The following USP8 variants were observed in gnomAD, a reference collection of about 807,000 sequenced individuals.
USP8 encodes ubiquitin specific peptidase 8.
In USP8, 27 loss-of-function variants were observed where a neutral mutation model predicts 130.0. That is an observed-to-expected ratio of 0.21 (90% confidence interval 0.15 to 0.29). USP8 has a LOEUF of 0.29. Among genes scored for constraint, USP8 ranks in the 10% least tolerant of loss-of-function variants. The pLI, the probability that USP8 is intolerant of heterozygous loss-of-function variation, is 1.00. For synonymous variants in USP8, 392 were observed against 444.1 expected (o/e 0.88, Z 1.48); for missense variants, 1,029 against 1,312.2 (o/e 0.78, Z 3.33).
chr15:50,495,486 A>G (rs3784300), intron 16 of USP8, among the ~76,000 whole-genome samples: 32,605 of 104,198 alleles, frequency 0.31, 4,169 homozygotes, highest in East Asian at 0.55. Context: ...TAGAGATTGG[A>G]GGGGGGGGTC....
chr15:50,428,911 G>C (rs77350454), intron 1 of USP8, among the ~76,000 whole-genome samples: 13,707 of 152,188 alleles, frequency 0.09, 1,352 homozygotes, highest in African/African-American at 0.25. Context: ...AGGGTTACTT[G>C]AACACAAGCA....
In USP8 at chr15:50,481,895, G is replaced by A. The variant is rs142438540; in HGVS notation, c.1633G>A (p.Gly545Ser). The A allele has an allele frequency of 2.7e-5, 43 of 1,587,186 alleles. No homozygotes were observed. The African/African-American group carries it at 4.6e-4, about 17-fold the overall frequency. The stretch of plus-strand genomic sequence containing the variant: ...AGATAAAGAAACCTCAGCAAAGAGG[G>A]GCAAAGAAATAACAGGAGTAAAAAG... ...KEDKETSAKRGKEITGVKRQS... is the reference protein window; with the variant it reads ...KEDKETSAKRSKEITGVKRQS... Residue 545 changes from glycine to serine, a missense_variant, in exon 11 of 20, where the codon GGC becomes AGC. Coordinates refer to ENST00000307179, the MANE Select transcript of USP8 (RefSeq NM_005154.5).
chr15:50,470,754 C>T (rs748617063), intron 7 of USP8, among the ~76,000 whole-genome samples: 14 of 152,102 alleles, frequency 9.2e-5, no homozygotes, highest in Non-Finnish European at 1.5e-4. Context: ...CGCCTGCCAC[C>T]ATGCCCGGCT....
chr15:50,426,431 G>A (rs1233230164), intron 1 of USP8, among the ~76,000 whole-genome samples: 2 of 152,308 alleles, frequency 1.3e-5, no homozygotes, highest in East Asian at 3.9e-4. Flanking sequence ...CTGTAATTTA[G>A]TATCTCTCCT....
At chr15:50,473,182 TAA>T (rs1380635378) in intron 8 of USP8, among the ~76,000 whole-genome samples, 4 of 152,146 alleles carry the variant, frequency 2.6e-5, no homozygotes, top group Non-Finnish European at 5.9e-5. Context: ...AACAAAGGTT[TAA>T]AAAATAATAC....
At position 50,465,119 on chromosome 15, in the gene USP8, G is replaced by A. The variant is rs1359291088; in HGVS notation, c.614G>A (p.Arg205Gln). The change falls in exon 7 of 20, where the codon CGA (arginine) becomes CAA (glutamine). Residue 205 changes from arginine (R) to glutamine (Q), a missense_variant. Transcript: ENST00000307179. ...KNISLIIMDARRMQDYQDSCI... is the reference protein window; with the variant it reads ...KNISLIIMDAQRMQDYQDSCI... ...ATCAGCTTGATTATAATGGATGCTC[G>A]AAGAATGCAGGATTATCAGGATTCC... is the stretch of plus-strand genomic sequence containing the variant. 1.9e-6 allele frequency: 3 copies of A among 1,613,990 alleles called. No individual in the cohort carries two copies. The highest frequency in any genetic ancestry group is 1.1e-5 in the South Asian group (1 of 91,078).
intron 3 of USP8, among the ~76,000 whole-genome samples, chr15:50,443,086 T>A (rs1430415425): frequency 6.6e-6 from 1 of 152,242 alleles, no homozygotes; most frequent in East Asian, 1.9e-4. Context: ...TCACCCAGGC[T>A]GGAGTGCGGT....
Position 50,501,308 on chromosome 15 carries a change from A to C in USP8, c.*2220A>C, listed in dbSNP as rs2141337662. ...GACTCCATATCTTTTAAAGGAAAAAAAAAAAAAAAAAAAAGATGAGCTAGG... is the reference window on the plus strand; with the variant it reads ...GACTCCATATCTTTTAAAGGAAAAACAAAAAAAAAAAAAAGATGAGCTAGG... On this transcript the variant is annotated 3_prime_UTR_variant, in exon 20 of 20. Coordinates refer to ENST00000307179, the MANE Select transcript of USP8 (RefSeq NM_005154.5). 6.5e-6 allele frequency: 1 copy of C among 154,960 alleles called. No homozygotes were observed. Among genetic ancestry groups the C allele is most frequent in the East Asian group, 1.9e-4 (1 of 5,310 alleles). 9.6% of individuals were successfully genotyped at this position (154,960 alleles called of 1,614,324 possible). A position where few individuals can be genotyped will look rare whatever the true frequency, so the allele number is the denominator to read the frequency against.
At position 50,481,912 on chromosome 15, in the gene USP8, A is replaced by G; in HGVS notation, c.1650A>G (p.Gly550=). The G allele has an allele frequency of 6.2e-7, 1 of 1,605,626 alleles. No individual in the cohort carries two copies. Among genetic ancestry groups the G allele is most frequent in the Non-Finnish European group, 8.5e-7 (1 of 1,177,056 alleles). ...TSAKRGKEIT[G]VKRQSKSEHE... is the part of the protein sequence containing the mutation. Reference sequence around the variant, plus strand: ...CAAAGAGGGGCAAAGAAATAACAGGAGTAAAAAGACAAAGTAAAAGTGAAC... The same window carrying G: ...CAAAGAGGGGCAAAGAAATAACAGGGGTAAAAAGACAAAGTAAAAGTGAAC... Residue 550 remains glycine, a synonymous_variant, in exon 11 of 20, where the codon GGA becomes GGG. Coordinates refer to ENST00000307179, the MANE Select transcript of USP8 (RefSeq NM_005154.5).
intron 17 of USP8, among the ~76,000 whole-genome samples, 172 bp downstream of exon 17, chr15:50,496,256 C>T (rs966650873): frequency 1.4e-4 from 22 of 152,056 alleles, no homozygotes; most frequent in African/African-American, 5.1e-4. Context: ...CCGAGGTGGG[C>T]GGATCACGAG....
At chr15:50,477,075 T>G in intron 9 of USP8, 82 bp downstream of exon 9, 1 of 1,536,356 alleles carries the variant, frequency 6.5e-7, no homozygotes, top group Non-Finnish European at 8.8e-7. Flanking sequence ...TTCTTGGTTG[T>G]GTGTGTATTT....
rs187703744 is a variant in USP8 at position 50,492,797 on chromosome 15, T to C, written c.2331T>C (p.Thr777=). Reference sequence around the variant, plus strand: ...TTGGAGGTTCTGGACCAGCTCTTACTGGACTTCGTAACTTAGGAAATACTT... The same window carrying C: ...TTGGAGGTTCTGGACCAGCTCTTACCGGACTTCGTAACTTAGGAAATACTT... The part of the protein sequence containing the change: ...PVFGGSGPAL[T]GLRNLGNTCY... Residue 777 remains threonine (T), a synonymous_variant, in exon 15 of 20, where the codon ACT becomes ACC. Transcript: ENST00000307179. 63 of 1,614,234 alleles carry C rather than the reference T, an allele frequency of 3.9e-5. No homozygotes were observed. In the Admixed American group the frequency reaches 1.0e-3, roughly 27 times the overall value.
chr15:50,430,769 T>G (rs1009703092), intron 1 of USP8, among the ~76,000 whole-genome samples: 2 of 152,164 alleles, frequency 1.3e-5, no homozygotes, highest in Non-Finnish European at 2.9e-5. Flanking sequence ...TGATTTCTAG[T>G]TAATATTTAC....
In USP8 at chr15:50,499,352, G is replaced by T; in HGVS notation, c.*264G>T. 3.4e-6 allele frequency: 1 copy of T among 293,966 alleles called. No homozygotes were observed. The highest frequency in any genetic ancestry group is 6.2e-6 in the Non-Finnish European group (1 of 160,312). The allele number at this position is 293,966 out of a possible 1,614,324, so 18.2% of individuals were successfully genotyped here. ...AAAGTTAAAATAATTAACTAGCTAAGCATTATTATTCGACTGGTCTAAAAA... is the reference window on the plus strand; with the variant it reads ...AAAGTTAAAATAATTAACTAGCTAATCATTATTATTCGACTGGTCTAAAAA... On this transcript the variant is annotated 3_prime_UTR_variant, in exon 20 of 20. Coordinates refer to ENST00000307179, the MANE Select transcript of USP8 (RefSeq NM_005154.5).
chr15:50,493,383 T>TA, intron 15 of USP8: 1 of 519,474 alleles, frequency 1.9e-6, no homozygotes, highest in Non-Finnish European at 3.8e-6. Context: ...GAACCCATTT[T>TA]ACCTTTCAAA....
chr15:50,474,853 G>T (rs2051507508), intron 8 of USP8, among the ~76,000 whole-genome samples: 1 of 152,104 alleles, frequency 6.6e-6, no homozygotes, highest in Non-Finnish European at 1.5e-5. Context: ...TCACACCTGT[G>T]ATCCCAGCAC....
chr15:50,476,914 C>T lies in USP8; in HGVS notation c.915C>T (p.Leu305=), dbSNP rs1183533774. The T allele has an allele frequency of 1.9e-6, 3 of 1,606,070 alleles. No homozygotes were observed. The highest frequency in any genetic ancestry group is 3.5e-5 in the Admixed American group (2 of 56,648). The stretch of plus-strand genomic sequence containing the variant: ...TAGAGGGAGGCTATGAAAACTGGCT[C>T]CTTTGTTATCCCCAGTATACAACAA... The part of the protein sequence containing the change: ...LVLEGGYENW[L]LCYPQYTTNA... Residue 305 remains leucine (L), a synonymous_variant, in exon 9 of 20, where the codon CTC becomes CTT. Transcript: ENST00000307179.
At chr15:50,485,578 T>TTTTTTTTA in intron 12 of USP8, among the ~76,000 whole-genome samples, 1 of 140,930 alleles carries the variant, frequency 7.1e-6, no homozygotes, top group Non-Finnish European at 1.5e-5. Context: ...TTTTTTTTTT[T>TTTTTTTTA]TTTTTAGTAA....
chr15:50,472,935 AG>A (rs2051430632), intron 8 of USP8, among the ~76,000 whole-genome samples: 1 of 152,204 alleles, frequency 6.6e-6, no homozygotes, highest in South Asian at 2.1e-4. Flanking sequence ...AAAGATTACA[AG>A]GCAGAAGACA....
Sources: gnomAD v4.1 joint callset for allele counts (sites outside exome capture counted in the v4.1 genomes callset) on GRCh38, gnomAD v4.1.1 for gene constraint, MANE v1.5 for transcripts, NCBI Gene and HGNC (gene_info 2026-07-23, HGNC 2026-07-21) for gene names.